The following ZNF487 variants were observed in gnomAD, a reference collection of about 807,000 sequenced individuals.
ZNF487 encodes the protein zinc finger protein 487, also known as KRAB domain only 1.
In ZNF487, 4 loss-of-function variants were observed where a neutral mutation model predicts 3.0. The observed-to-expected ratio is 1.35, with a 90% CI of 0.66 to 3.08. The LOEUF (loss-of-function observed/expected upper bound fraction) is 3.08. Ranked by LOEUF, ZNF487 falls within the 30% of genes most tolerant of loss-of-function variation. ZNF487 has a pLI of 0.01. For synonymous variants in ZNF487, 55 were observed against 34.6 expected (o/e 1.59, Z -2.06); for missense variants, 146 against 98.7 (o/e 1.48, Z -2.03).
chr10:43,482,610 G>T lies in ZNF487; in HGVS notation c.*688G>T. On this transcript the variant is annotated 3_prime_UTR_variant, in exon 4 of 4. Coordinates refer to ENST00000437590, the MANE Select transcript of ZNF487 (RefSeq NM_001355444.3). ...TAATGAATGTCAGAAAGCCTTTGGT[G>T]ATAGGTCAGCTCTAAAAGTACATCA... The T allele has an allele frequency of 2.0e-6, 1 of 499,966 alleles. No homozygotes were observed. 31.0% of individuals were successfully genotyped at this position (499,966 alleles called of 1,614,324 possible).
the ZNF487 span, among the ~76,000 whole-genome samples, chr10:43,504,969 G>T: frequency 2.0e-5 from 3 of 152,222 alleles, no homozygotes; most frequent in South Asian, 6.2e-4. Flanking sequence ...GCCTCCCAAA[G>T]TGTTGGGATT....
intron 1 of ZNF487, among the ~76,000 whole-genome samples, chr10:43,450,545 G>T (rs1218541999): frequency 6.6e-6 from 1 of 151,038 alleles, no homozygotes; most frequent in Non-Finnish European, 1.5e-5. Context: ...GTAGAGACGG[G>T]GTTTCACCAT....
chr10:43,516,437 T>C, the ZNF487 span, among the ~76,000 whole-genome samples: 1 of 152,178 alleles, frequency 6.6e-6, no homozygotes, highest in Admixed American at 6.5e-5. Flanking sequence ...TGTATTACGG[T>C]TCTCTAGAGG....
chr10:43,499,985 G>T, the ZNF487 span, among the ~76,000 whole-genome samples: 1 of 152,238 alleles, frequency 6.6e-6, no homozygotes, highest in Non-Finnish European at 1.5e-5. Context: ...CCAGGTTCAA[G>T]TGATTCTCCT....
At position 43,457,693 on chromosome 10, in the gene ZNF487, T is replaced by TA. The variant is rs543234325; in HGVS notation, c.-93-18013dup. On this transcript the variant is annotated intron_variant, in intron 1 of 3. Coordinates refer to ENST00000437590, the MANE Select transcript of ZNF487 (RefSeq NM_001355444.3). Reference sequence around the variant, plus strand: ...CAACAGAGGGAGACTCCGCCTCAATTAAAAAAAAAAAAAAATTCCTCATGA... The same window carrying TA: ...CAACAGAGGGAGACTCCGCCTCAATTAAAAAAAAAAAAAAAATTCCTCATGA... 3.4e-3 allele frequency among the ~76,000 whole-genome samples: 361 copies of TA among 105,240 alleles called. 2 individuals carry two copies. The highest frequency in any genetic ancestry group is 7.9e-3 in the African/African-American group (216 of 27,344). 69.0% of individuals were successfully genotyped at this position (105,240 alleles called of 152,430 possible).
intron 1 of ZNF487, among the ~76,000 whole-genome samples, chr10:43,440,090 C>T (rs1839544041): frequency 1.4e-5 from 2 of 147,450 alleles, no homozygotes; most frequent in African/African-American, 5.0e-5. Flanking sequence ...CTCATGTTGC[C>T]CAGGCTGGAG....
rs1242064097 is a variant in ZNF487, at chr10:43,475,827, A to C, written c.14A>C (p.Tyr5Ser). The stretch of plus-strand genomic sequence containing the variant: ...TACAGAGACATGATGCTGGAGAACT[A>C]CAGCCTCCTCCTCTCAGTGGGTAAG... MLEN[Y>S]SLLLSVGYCI... The change falls in exon 2 of 4, where the codon TAC becomes TCC. Residue 5 changes from tyrosine to serine, a missense_variant. Transcript: ENST00000437590. The C allele has an allele frequency of 1.3e-6, 1 of 779,568 alleles. No homozygotes were observed. Among genetic ancestry groups the C allele is most frequent in the East Asian group, 2.4e-5 (1 of 41,236 alleles). The allele number at this position is 779,568 out of a possible 1,614,324, so 48.3% of individuals were successfully genotyped here. A position where few individuals can be genotyped will look rare whatever the true frequency, so the allele number is the denominator to read the frequency against.
the ZNF487 span, among the ~76,000 whole-genome samples, chr10:43,494,370 T>C: frequency 1.3e-5 from 2 of 152,204 alleles, no homozygotes; most frequent in Non-Finnish European, 2.9e-5. Context: ...CAACCATTCC[T>C]GGTTCCTGTA....
At chr10:43,493,687 C>CAAAAA in the ZNF487 span, among the ~76,000 whole-genome samples, 11 of 13,436 alleles carry the variant, frequency 8.2e-4, no homozygotes, top group East Asian at 7.4e-3. Flanking sequence ...GACCCTTCCT[C>CAAAAA]AAAAAAAGAA....
chr10:43,503,633 T>A, the ZNF487 span, among the ~76,000 whole-genome samples: 1 of 152,106 alleles, frequency 6.6e-6, no homozygotes, highest in Non-Finnish European at 1.5e-5. Flanking sequence ...TGAGACAAGG[T>A]CTCTCTCTGT....
At chr10:43,479,136 T>TACACACATATATACAC (rs1841218152) in intron 3 of ZNF487, among the ~76,000 whole-genome samples, 7 of 151,074 alleles carry the variant, frequency 4.6e-5, no homozygotes, top group African/African-American at 9.7e-5. Flanking sequence ...TATATATATA[T>TACACACATATATACAC]ATAAATTTGT....
the ZNF487 span, among the ~76,000 whole-genome samples, chr10:43,507,381 G>C: frequency 6.6e-6 from 1 of 152,200 alleles, no homozygotes; most frequent in Non-Finnish European, 1.5e-5. Context: ...ATTAAACATG[G>C]CACCATGGAT....
chr10:43,492,418 A>T, the ZNF487 span, among the ~76,000 whole-genome samples: 1 of 150,608 alleles, frequency 6.6e-6, no homozygotes, highest in Non-Finnish European at 1.5e-5. Flanking sequence ...TACTGATATC[A>T]GTCCACAAAC....
intron 1 of ZNF487, among the ~76,000 whole-genome samples, chr10:43,449,928 C>T (rs904921704): frequency 3.9e-5 from 6 of 152,080 alleles, no homozygotes. Flanking sequence ...GATCCACCTG[C>T]CTTGGCCCCC....
At chr10:43,510,194 T>C in the ZNF487 span, among the ~76,000 whole-genome samples, 2 of 152,218 alleles carry the variant, frequency 1.3e-5, no homozygotes, top group Admixed American at 6.5e-5. Flanking sequence ...ATTACAGTCC[T>C]CGTTTCTGCA....
rs1589023815 is a variant in ZNF487 at position 43,447,582 on chromosome 10, C to T, written c.-94+10320C>T. ...CTAATCTGCCTGGTGTAGGAACAGG[C>T]ACTATTCCATGCCCTGTGTGAGCAC... On this transcript the variant is annotated intron_variant, in intron 1 of 3. Transcript: ENST00000437590. Among the ~76,000 whole-genome samples the T allele has an allele frequency of 2.0e-5, 3 of 152,176 alleles. No homozygotes were observed. In the East Asian group the frequency reaches 5.8e-4, roughly 29 times the overall value.
chr10:43,465,036 C>G, intron 1 of ZNF487, among the ~76,000 whole-genome samples: 1 of 114,146 alleles, frequency 8.8e-6, no homozygotes, highest in Non-Finnish European at 1.8e-5. Context: ...GGCGGCTGGC[C>G]GGGCGGGGGG....
downstream of ZNF487, among the ~76,000 whole-genome samples, chr10:43,484,440 C>G (rs573823666): frequency 4.0e-5 from 6 of 151,844 alleles, no homozygotes; most frequent in African/African-American, 4.8e-5. Context: ...AACCCTGTCT[C>G]TACTAAAATA....
chr10:43,486,059 T>C (rs4948728), downstream of ZNF487, among the ~76,000 whole-genome samples: 19,308 of 152,208 alleles, frequency 0.13, 2,621 homozygotes, highest in African/African-American at 0.34. Flanking sequence ...TTGAAATGGA[T>C]ATGTTATGTT....
Sources: allele counts gnomAD v4.1 joint callset (sites outside exome capture counted in the v4.1 genomes callset), GRCh38; gene constraint gnomAD v4.1.1; transcripts MANE v1.5; gene names NCBI Gene and HGNC (gene_info 2026-07-23, HGNC 2026-07-21).